Variants in MATN2 observed in about 807,000 individuals in gnomAD.
MATN2 encodes matrilin-2.
Under a neutral mutation model 103.2 loss-of-function variants are expected in MATN2, and 69 were observed. The observed-to-expected ratio is 0.67, with a 90% confidence interval of 0.55 to 0.82. The LOEUF is 0.82. Among genes scored for constraint, MATN2 ranks in the 40% least tolerant of loss-of-function variants. The probability of loss-of-function intolerance (pLI) is 0.00; values close to 1 mark genes in which losing one functional copy is unlikely to be tolerated. For synonymous variants in MATN2, 429 were observed against 450.2 expected, an observed-to-expected ratio of 0.95 and a Z score of 0.60; for missense variants, 1,023 against 1,211.5, an observed-to-expected ratio of 0.84 and a Z score of 2.31.
chr8:97,891,271 G>A (rs768572364), intron 2 of MATN2, among the ~76,000 whole-genome samples: 3 of 152,158 alleles, frequency 2.0e-5, no homozygotes, highest in Non-Finnish European at 2.9e-5. Context: ...CTTAGTGTAA[G>A]GCAGTGGTTC....
intron 2 of MATN2, among the ~76,000 whole-genome samples, chr8:97,894,323 CTTTTTT>C (rs58988866): frequency 1.7e-5 from 1 of 59,212 alleles, no homozygotes; most frequent in African/African-American, 6.3e-5. Flanking sequence ...AAGAATTCAC[CTTTTTT>C]TTTTTTTTTT....
At chr8:97,887,925 GCT>G in intron 1 of MATN2, 148 bp from the exon 2 acceptor site, 1 of 643,774 alleles carries the variant, frequency 1.6e-6, no homozygotes, top group Non-Finnish European at 2.5e-6. Context: ...GGCTACTTAA[GCT>G]CTCAAAGGCC....
intron 10 of MATN2, among the ~76,000 whole-genome samples, chr8:98,009,527 G>A (rs1813087644): frequency 6.6e-6 from 1 of 152,238 alleles, no homozygotes; most frequent in Non-Finnish European, 1.5e-5. Context: ...CTTCTGGAAA[G>A]TTCTCTGAAG....
intron 2 of MATN2, among the ~76,000 whole-genome samples, chr8:97,899,420 C>G (rs1457377176): frequency 6.6e-6 from 1 of 152,134 alleles, no homozygotes; most frequent in African/African-American, 2.4e-5. Context: ...TAACAATATA[C>G]CACAAAGTGG....
At chr8:97,903,424 A>C (rs1003892252) in intron 2 of MATN2, among the ~76,000 whole-genome samples, 2 of 152,238 alleles carry the variant, frequency 1.3e-5, no homozygotes, top group Admixed American at 1.3e-4. Flanking sequence ...GTAACAGTAG[A>C]ATCTAAGCTC....
At chr8:97,941,715 G>A in intron 3 of MATN2, 62 bp from the exon 4 acceptor site, 1 of 1,531,760 alleles carries the variant, frequency 6.5e-7, no homozygotes, top group Non-Finnish European at 8.8e-7. Flanking sequence ...AATGCTTGCT[G>A]GCTGGAATGG....
intron 1 of MATN2, among the ~76,000 whole-genome samples, chr8:97,883,882 G>T (rs1047815144): frequency 1.3e-5 from 2 of 152,044 alleles, no homozygotes; most frequent in East Asian, 3.9e-4. Flanking sequence ...TAGAGACAGG[G>T]TTTTGCCATG....
At chr8:97,940,375 A>G (rs1306278993) in intron 3 of MATN2, among the ~76,000 whole-genome samples, 1 of 152,252 alleles carries the variant, frequency 6.6e-6, no homozygotes, top group African/African-American at 2.4e-5. Flanking sequence ...TTCACCCTGA[A>G]GTAAAAATGA....
chr8:97,939,260 C>T (rs1311091241), intron 3 of MATN2, among the ~76,000 whole-genome samples: 2 of 152,158 alleles, frequency 1.3e-5, no homozygotes, highest in Non-Finnish European at 2.9e-5. Context: ...ATGAAACTTA[C>T]CTAACACATG....
chr8:97,959,411 T>C (rs957894663), intron 4 of MATN2, among the ~76,000 whole-genome samples: 6 of 152,160 alleles, frequency 3.9e-5, no homozygotes, highest in African/African-American at 1.4e-4. Context: ...TTCTTATATC[T>C]GGCCTAGCTC....
intron 2 of MATN2, among the ~76,000 whole-genome samples, chr8:97,914,162 C>A (rs996619658): frequency 6.6e-6 from 1 of 151,890 alleles, no homozygotes; most frequent in Admixed American, 6.6e-5. Flanking sequence ...TAATTTACAC[C>A]CAAGAGTAGG....
intron 2 of MATN2, among the ~76,000 whole-genome samples, chr8:97,905,375 A>G (rs978389037): frequency 6.6e-6 from 1 of 152,152 alleles, no homozygotes; most frequent in Non-Finnish European, 1.5e-5. Flanking sequence ...ATAATGAAGC[A>G]ATAACTCCTC....
At chr8:97,952,916 A>ATTTTTT (rs71570276) in intron 4 of MATN2, among the ~76,000 whole-genome samples, 5 of 96,106 alleles carry the variant, frequency 5.2e-5, no homozygotes, top group Non-Finnish European at 7.9e-5. Context: ...GTTTGTAGGG[A>ATTTTTT]TTTTTTTTTT....
chr8:97,937,033 A>G (rs1239128632), intron 3 of MATN2, among the ~76,000 whole-genome samples: 1 of 151,796 alleles, frequency 6.6e-6, no homozygotes. Context: ...TCTCCCCTCC[A>G]CTCCTCTCCT....
intron 5 of MATN2, among the ~76,000 whole-genome samples, chr8:97,970,413 C>T (rs1811618371): frequency 6.6e-6 from 1 of 152,160 alleles, no homozygotes; most frequent in Admixed American, 6.5e-5. Flanking sequence ...TGCCTCCTAC[C>T]TCACAGCTAC....
At chr8:97,944,612 T>A (rs1210102166) in intron 4 of MATN2, among the ~76,000 whole-genome samples, 1 of 152,184 alleles carries the variant, frequency 6.6e-6, no homozygotes, top group East Asian at 1.9e-4. Context: ...TGACTCTCAG[T>A]TTCCTCGCCC....
intron 4 of MATN2, among the ~76,000 whole-genome samples, chr8:97,942,107 T>C (rs781488610): frequency 4.6e-5 from 7 of 151,984 alleles, no homozygotes; most frequent in Non-Finnish European, 8.8e-5. Context: ...TCAGGAAGAG[T>C]TGGAGAGATA....
intron 6 of MATN2, among the ~76,000 whole-genome samples, chr8:97,979,388 G>A (rs1025077796): frequency 2.6e-5 from 4 of 152,290 alleles, no homozygotes; most frequent in Non-Finnish European, 4.4e-5. Context: ...CTGACTCCAC[G>A]CAAGAAAATC....
At chr8:97,938,433 A>G (rs980615296) in intron 3 of MATN2, among the ~76,000 whole-genome samples, 3 of 152,202 alleles carry the variant, frequency 2.0e-5, no homozygotes, top group African/African-American at 7.2e-5. Context: ...TTGGAAGGCA[A>G]TCAGGCCATA....
Sources: gnomAD v4.1 joint callset for allele counts (sites outside exome capture counted in the v4.1 genomes callset) on GRCh38, gnomAD v4.1.1 for gene constraint, MANE v1.5 for transcripts, NCBI Gene and HGNC (gene_info 2026-07-23, HGNC 2026-07-21) for gene names.